PRKN: variants seen among roughly 807,000 people sequenced by gnomAD.
PRKN encodes the protein E3 ubiquitin-protein ligase parkin.
Under a neutral mutation model 59.5 loss-of-function variants are expected in PRKN, and 56 were observed. That is an observed-to-expected ratio of 0.94 (90% CI 0.76 to 1.18). The LOEUF (loss-of-function observed/expected upper bound fraction) is 1.18. PRKN is among the 50% of genes most tolerant of loss of function. The probability of loss-of-function intolerance (pLI) is 0.00; values close to 1 mark genes in which losing one functional copy is unlikely to be tolerated. For missense variants in PRKN, 657 were observed against 596.4 expected, an observed-to-expected ratio of 1.10 and a Z score of -1.06; for synonymous variants, 250 against 222.1, an observed-to-expected ratio of 1.13 and a Z score of -1.12.
At chr6:162,204,191 A>T (rs916494064) in intron 3 of PRKN, among the ~76,000 whole-genome samples, 2 of 152,180 alleles carry the variant, frequency 1.3e-5, no homozygotes, top group Admixed American at 1.3e-4. Flanking sequence ...TAGACTAATC[A>T]GGTATATTTT....
intron 2 of PRKN, among the ~76,000 whole-genome samples, chr6:162,347,103 A>T (rs534728382): frequency 6.7e-6 from 1 of 150,128 alleles, no homozygotes; most frequent in East Asian, 1.9e-4. Flanking sequence ...TATATTTATT[A>T]TATTTATTTT....
intron 6 of PRKN, among the ~76,000 whole-genome samples, chr6:161,819,847 C>T (rs892018206): frequency 2.0e-5 from 3 of 152,088 alleles, no homozygotes; most frequent in Non-Finnish European, 4.4e-5. Flanking sequence ...TTAACATGTG[C>T]TTAGAAAATA....
At chr6:162,251,379 TG>T (rs1779427324) in intron 3 of PRKN, among the ~76,000 whole-genome samples, 1 of 152,096 alleles carries the variant, frequency 6.6e-6, no homozygotes, top group South Asian at 2.1e-4. Context: ...TCAACCATTA[TG>T]GAATATGATG....
At chr6:161,930,450 T>C (rs1378362091) in intron 6 of PRKN, among the ~76,000 whole-genome samples, 1 of 152,206 alleles carries the variant, frequency 6.6e-6, no homozygotes, top group Admixed American at 6.5e-5. Flanking sequence ...GGATCACAGG[T>C]TTACACAATT....
intron 2 of PRKN, among the ~76,000 whole-genome samples, chr6:162,328,614 T>G (rs1361298862): frequency 6.6e-6 from 1 of 152,180 alleles, no homozygotes; most frequent in African/African-American, 2.4e-5. Flanking sequence ...AGTGCTGAGC[T>G]AGCAGCAGGA....
At chr6:161,439,645 C>A (rs1789100078) in intron 9 of PRKN, among the ~76,000 whole-genome samples, 1 of 152,170 alleles carries the variant, frequency 6.6e-6, no homozygotes, top group Non-Finnish European at 1.5e-5. Context: ...CTACACTGAA[C>A]TAAACCGGTT....
At chr6:162,697,617 T>C (rs1284134134) in intron 1 of PRKN, among the ~76,000 whole-genome samples, 2 of 152,188 alleles carry the variant, frequency 1.3e-5, no homozygotes, top group Admixed American at 6.5e-5. Flanking sequence ...CTTCTATATA[T>C]GCTATGGCGT....
intron 1 of PRKN, among the ~76,000 whole-genome samples, chr6:162,590,050 A>G (rs1781238738): frequency 1.3e-5 from 2 of 151,688 alleles, no homozygotes; most frequent in South Asian, 4.2e-4. Context: ...TTCTGACTTG[A>G]TATAATTTTC....
intron 4 of PRKN, among the ~76,000 whole-genome samples, chr6:162,174,203 T>G (rs1303850242): frequency 1.3e-5 from 2 of 152,218 alleles, no homozygotes; most frequent in Non-Finnish European, 2.9e-5. Context: ...TGATGGGCTG[T>G]CCAAAGCAAT....
At chr6:161,559,129 T>G (rs7749872) in intron 8 of PRKN, among the ~76,000 whole-genome samples, 9,542 of 143,106 alleles carry the variant, frequency 0.067, 1,015 homozygotes, top group African/African-American at 0.23. Context: ...AAGTTTTTGG[T>G]TTTTTTTTTT....
At chr6:162,213,916 T>C (rs1276690232) in intron 3 of PRKN, among the ~76,000 whole-genome samples, 1 of 151,454 alleles carries the variant, frequency 6.6e-6, no homozygotes, top group Non-Finnish European at 1.5e-5. Context: ...TGTCCTATTC[T>C]GGAATTATTC....
intron 2 of PRKN, among the ~76,000 whole-genome samples, chr6:162,264,497 CT>C (rs1318591647): frequency 1.3e-5 from 2 of 151,982 alleles, no homozygotes; most frequent in Non-Finnish European, 2.9e-5. Flanking sequence ...ACCAACACCC[CT>C]GACCCCAAAT....
intron 4 of PRKN, among the ~76,000 whole-genome samples, chr6:162,091,695 C>G (rs1247802342): frequency 6.6e-6 from 1 of 152,092 alleles, no homozygotes; most frequent in African/African-American, 2.4e-5. Flanking sequence ...AATCTTCTGC[C>G]TCCACCATAT....
chr6:162,692,818 T>C (rs1474200227), intron 1 of PRKN, among the ~76,000 whole-genome samples: 1 of 152,184 alleles, frequency 6.6e-6, no homozygotes, highest in Non-Finnish European at 1.5e-5. Flanking sequence ...AATAGCTTTT[T>C]ATAATAGATT....
intron 1 of PRKN, among the ~76,000 whole-genome samples, chr6:162,619,733 C>T (rs934932998): frequency 6.8e-6 from 1 of 147,758 alleles, no homozygotes; most frequent in African/African-American, 2.5e-5. Flanking sequence ...CACACACACA[C>T]TACCGCAGAT....
At chr6:161,564,765 G>C (rs1780577576) in intron 8 of PRKN, among the ~76,000 whole-genome samples, 1 of 151,786 alleles carries the variant, frequency 6.6e-6, no homozygotes, top group Admixed American at 6.6e-5. Flanking sequence ...TCTTCAGTTT[G>C]CAATTCTGGA....
chr6:162,439,657 CT>C (rs1789957120), intron 2 of PRKN, among the ~76,000 whole-genome samples: 1 of 149,824 alleles, frequency 6.7e-6, no homozygotes, highest in Non-Finnish European at 1.5e-5. Context: ...TCTGCCACCC[CT>C]GAGACAGTGA....
chr6:162,040,342 T>C (rs1369594723), intron 5 of PRKN, among the ~76,000 whole-genome samples: 2 of 152,128 alleles, frequency 1.3e-5, no homozygotes, highest in Non-Finnish European at 2.9e-5. Flanking sequence ...GTTCTACTGT[T>C]TTCTGTTCTT....
At chr6:161,392,056 G>A (rs902407792) in intron 9 of PRKN, among the ~76,000 whole-genome samples, 1 of 151,918 alleles carries the variant, frequency 6.6e-6, no homozygotes, top group African/African-American at 2.4e-5. Context: ...TAAGCATCCT[G>A]CTGGTCTGGT....
Sources: gnomAD v4.1 joint callset for allele counts (sites outside exome capture counted in the v4.1 genomes callset) on GRCh38, gnomAD v4.1.1 for gene constraint, MANE v1.5 for transcripts, NCBI Gene and HGNC (gene_info 2026-07-23, HGNC 2026-07-21) for gene names.